DYNC2H1: variants seen among roughly 807,000 people sequenced by gnomAD.
The protein encoded by DYNC2H1 is dynein cytoplasmic 2 heavy chain 1, also known as cytoplasmic dynein 2 heavy chain 1.
Under a neutral mutation model 570.0 loss-of-function variants are expected in DYNC2H1, and 410 were observed. The ratio of observed to expected loss-of-function variants is 0.72; its 90% CI spans 0.66 to 0.78. DYNC2H1 has a LOEUF of 0.78. DYNC2H1 is among the 30% of genes least tolerant of loss of function. DYNC2H1 has a pLI of 0.00. For synonymous variants in DYNC2H1, 1,688 were observed against 1,677.6 expected (o/e 1.01, Z -0.15); for missense variants, 4,865 against 5,046.4 (o/e 0.96, Z 1.09).
intron 84 of DYNC2H1, among the ~76,000 whole-genome samples, chr11:103,423,301 A>G (rs1943552185): frequency 6.6e-6 from 1 of 151,784 alleles, no homozygotes; most frequent in African/African-American, 2.4e-5. Flanking sequence ...ACCCCGAAAT[A>G]TATAATCAAT....
chr11:103,286,671 G>T (rs948023929), intron 74 of DYNC2H1, among the ~76,000 whole-genome samples: 3 of 151,962 alleles, frequency 2.0e-5, no homozygotes, highest in African/African-American at 4.8e-5. Context: ...GGTACAAATT[G>T]TACAAGTTTT....
intron 4 of DYNC2H1, among the ~76,000 whole-genome samples, chr11:103,116,115 T>G (rs1170561964): frequency 6.6e-6 from 1 of 151,504 alleles, no homozygotes; most frequent in Non-Finnish European, 1.5e-5. Context: ...TAGACTGTTT[T>G]AAATGGTTTT....
intron 58 of DYNC2H1, 95 bp downstream of exon 58, chr11:103,222,248 T>G: frequency 1.1e-6 from 1 of 872,254 alleles, no homozygotes; most frequent in South Asian, 2.8e-5. Flanking sequence ...ACTGTTTAGA[T>G]CACCTAAAAA....
chr11:103,386,760 T>A (rs1326006721), intron 83 of DYNC2H1, among the ~76,000 whole-genome samples: 2 of 152,146 alleles, frequency 1.3e-5, no homozygotes, highest in Non-Finnish European at 2.9e-5. Flanking sequence ...GTTTGTTTTT[T>A]TGTCCTTGCA....
chr11:103,161,017 T>C lies in DYNC2H1; in HGVS notation c.4464T>C (p.Asn1488=), dbSNP rs1038140310. 1 of 1,529,902 alleles carries C rather than the reference T, an allele frequency of 6.5e-7. No homozygotes were observed. Among genetic ancestry groups the C allele is most frequent in the Non-Finnish European group, 8.8e-7 (1 of 1,140,762 alleles). The allele number at this position is 1,529,902 out of a possible 1,614,324, so 94.8% of individuals were successfully genotyped here. The change falls in exon 29 of 89, where the codon AAT becomes AAC. Residue 1488 remains asparagine, a synonymous_variant. Transcript: ENST00000375735. ...AGGGAGAAGTTGTACCTTTTAAAAA[T>C]AAAGTTCCTCTATCAAATAATGTAG... is the stretch of plus-strand genomic sequence containing the variant. ...SLEGEVVPFK[N]KVPLSNNVET... is the part of the protein sequence containing the mutation.
chr11:103,278,243 A>G (rs1386390569), intron 70 of DYNC2H1, among the ~76,000 whole-genome samples: 2 of 152,144 alleles, frequency 1.3e-5, no homozygotes, highest in Non-Finnish European at 2.9e-5. Context: ...TGTTCCATAG[A>G]CAAAAAGATT....
At chr11:103,430,053 G>C (rs555988491) in intron 84 of DYNC2H1, among the ~76,000 whole-genome samples, 3 of 152,252 alleles carry the variant, frequency 2.0e-5, no homozygotes, top group African/African-American at 7.2e-5. Context: ...TACTGGTATT[G>C]CACTCCTATT....
intron 65 of DYNC2H1, among the ~76,000 whole-genome samples, chr11:103,250,744 A>C (rs3912622): frequency 0.23 from 35,150 of 151,790 alleles, 4,219 homozygotes; most frequent in Middle Eastern, 0.36. Context: ...TTTTCCTTTA[A>C]GCCCTTCTTC....
chr11:103,146,408 C>T (rs571189559), intron 18 of DYNC2H1, among the ~76,000 whole-genome samples: 17 of 152,128 alleles, frequency 1.1e-4, no homozygotes, highest in African/African-American at 2.6e-4. Flanking sequence ...TTACAATTTG[C>T]GTTGGGGTAC....
At chr11:103,432,303 G>A (rs1316569866) in intron 84 of DYNC2H1, among the ~76,000 whole-genome samples, 2 of 152,158 alleles carry the variant, frequency 1.3e-5, no homozygotes, top group Non-Finnish European at 2.9e-5. Context: ...TCTCCAATTT[G>A]ATTCAAATGC....
intron 83 of DYNC2H1, among the ~76,000 whole-genome samples, chr11:103,380,867 A>G (rs1049406029): frequency 2.0e-5 from 3 of 152,162 alleles, no homozygotes; most frequent in African/African-American, 4.8e-5. Context: ...TGGCCGAGGA[A>G]TTCTTTAGAC....
intron 50 of DYNC2H1, 144 bp downstream of exon 50, chr11:103,200,298 T>C (rs1236746457): frequency 3.4e-6 from 2 of 585,698 alleles, no homozygotes; most frequent in South Asian, 2.3e-5. Context: ...AACATGCTCA[T>C]GGCAGGAGAA....
rs1565434091 is a variant in DYNC2H1 at position 103,253,413 on chromosome 11, A to G, written c.10171A>G (p.Asn3391Asp). 1 of 1,613,224 alleles carries G rather than the reference A, an allele frequency of 6.2e-7. No homozygotes were observed. Among genetic ancestry groups the G allele is most frequent in the Non-Finnish European group, 8.5e-7 (1 of 1,179,412 alleles). ...PDAASIVTEV[N>D]FTTTRSGLRG... ...TGCAGCTTCCATTGTTACTGAGGTT[A>G]ACTTTACTACAACAAGAAGTGGATT... Residue 3391 changes from asparagine (N) to aspartate (D), a missense_variant, in exon 66 of 89, where the codon AAC (asparagine) becomes GAC (aspartate). Physicochemically the swap from Asn to Asp is conservative, Grantham distance 23 (BLOSUM62 1). Transcript: ENST00000375735.
rs984492381 is a variant in DYNC2H1, at chr11:103,286,529, C to G, written c.11022+143C>G. On this transcript the variant is annotated intron_variant, in intron 74 of 88. Coordinates refer to ENST00000375735, the MANE Select transcript of DYNC2H1 (RefSeq NM_001377.3). ...GGGGAAGGGCTTGATCCTTTTGCCA[C>G]CTTATTGACAATTAAATCACGCCAA... is the stretch of plus-strand genomic sequence containing the variant. 4.1e-6 allele frequency: 4 copies of G among 969,826 alleles called. No individual in the cohort carries two copies. The African/African-American group carries it at 6.6e-5, about 16-fold the overall frequency. 60.1% of individuals were successfully genotyped at this position (969,826 alleles called of 1,614,324 possible). A position where few individuals can be genotyped will look rare whatever the true frequency, so the allele number is the denominator to read the frequency against.
intron 85 of DYNC2H1, among the ~76,000 whole-genome samples, chr11:103,441,458 A>T (rs902103947): frequency 6.6e-6 from 1 of 150,542 alleles, no homozygotes; most frequent in Admixed American, 6.7e-5. Context: ...TTTATTTTTA[A>T]AAGTTTCTAT....
rs565816582 is a variant in DYNC2H1 at position 103,444,464 on chromosome 11, A to G, written c.12456+8432A>G. Among the ~76,000 whole-genome samples the G allele has an allele frequency of 1.1e-4, 16 of 152,264 alleles. No homozygotes were observed. The East Asian group carries it at 2.5e-3, about 24-fold the overall frequency. On this transcript the variant is annotated intron_variant, in intron 85 of 88. Transcript: ENST00000375735. ...GTCCTTATACAAATATTAATATTAT[A>G]TATTTCCGGGATGTCAGAACAGTGT...
At chr11:103,359,726 A>G (rs1200965458) in intron 83 of DYNC2H1, among the ~76,000 whole-genome samples, 5 of 145,346 alleles carry the variant, frequency 3.4e-5, no homozygotes, top group Admixed American at 1.4e-4. Flanking sequence ...AGGCAATGGC[A>G]TGATCTCGGC....
chr11:103,191,552 C>G lies in DYNC2H1; in HGVS notation c.7473C>G (p.His2491Gln). ...RAKFTVDDYS[H>Q]YFFTPCILTQ... ...AATTTACAGTTGATGATTATAGTCA[C>G]TATTTCTTTACTCCTTGCATTCTTA... The change falls in exon 46 of 89, where the codon CAC becomes CAG. Residue 2491 changes from histidine (H) to glutamine (Q), a missense_variant. Coordinates refer to ENST00000375735, the MANE Select transcript of DYNC2H1 (RefSeq NM_001377.3). 8 of 1,609,704 alleles carry G rather than the reference C, an allele frequency of 5.0e-6. No homozygotes were observed. Among genetic ancestry groups the G allele is most frequent in the Non-Finnish European group, 6.8e-6 (8 of 1,177,888 alleles).
chr11:103,429,243 A>G (rs1050876299), intron 84 of DYNC2H1, among the ~76,000 whole-genome samples: 10 of 144,022 alleles, frequency 6.9e-5, no homozygotes, highest in African/African-American at 2.7e-4. Flanking sequence ...CCTGGGTGAC[A>G]GAGTGAGACC....
Sources: allele counts gnomAD v4.1 joint callset (sites outside exome capture counted in the v4.1 genomes callset), GRCh38; gene constraint gnomAD v4.1.1; transcripts MANE v1.5; gene names NCBI Gene and HGNC (gene_info 2026-07-23, HGNC 2026-07-21).